The following FAF1 variants were observed in gnomAD, a reference collection of about 807,000 sequenced individuals.
FAF1 encodes FAS-associated factor 1.
Under a neutral mutation model 92.5 loss-of-function variants are expected in FAF1, and 25 were observed. The ratio of observed to expected loss-of-function variants is 0.27; its 90% confidence interval spans 0.20 to 0.38. The LOEUF (loss-of-function observed/expected upper bound fraction) is 0.38. Ranked by LOEUF, FAF1 falls within the 10% of genes least tolerant of loss-of-function variation. The pLI, the probability that FAF1 is intolerant of heterozygous loss-of-function variation, is 1.00. For synonymous variants in FAF1, 234 were observed against 273.2 expected (o/e 0.86, Z 1.42); for missense variants, 636 against 793.3 (o/e 0.80, Z 2.38).
At chr1:50,924,685 T>A (rs1329911603) in intron 1 of FAF1, among the ~76,000 whole-genome samples, 1 of 152,142 alleles carries the variant, frequency 6.6e-6, no homozygotes, top group Non-Finnish European at 1.5e-5. Flanking sequence ...AGTATTGGTA[T>A]AATAAAAGAT....
chr1:50,718,007 ATTTAT>A (rs1379363226), intron 6 of FAF1, among the ~76,000 whole-genome samples: 1 of 149,488 alleles, frequency 6.7e-6, no homozygotes, highest in East Asian at 2.0e-4. Flanking sequence ...TTATTTATTT[ATTTAT>A]TTATTTATTT....
intron 17 of FAF1, 65 bp from the exon 18 acceptor site, chr1:50,475,744 A>G: frequency 9.2e-7 from 1 of 1,086,242 alleles, no homozygotes; most frequent in Non-Finnish European, 1.3e-6. Context: ...GTGGGGAGGA[A>G]GACACCAGAA....
intron 15 of FAF1, among the ~76,000 whole-genome samples, chr1:50,505,360 C>A (rs955366085): frequency 6.6e-6 from 1 of 152,118 alleles, no homozygotes; most frequent in Non-Finnish European, 1.5e-5. Context: ...CAGCCAAACA[C>A]CTATTCCTCT....
In FAF1 at chr1:50,656,436, T is replaced by C. The variant is rs1254886389; in HGVS notation, c.658-908A>G. On this transcript the variant is annotated intron_variant, in intron 7 of 18. Coordinates refer to ENST00000396153, the MANE Select transcript of FAF1 (RefSeq NM_007051.3). ...GTAATATTTACTAATATCAGAGCTA[T>C]AGGCCCTTCCTGAAAATTAAATACA... Among the ~76,000 whole-genome samples the C allele has an allele frequency of 2.0e-5, 3 of 152,012 alleles. No homozygotes were observed. In the East Asian group the frequency reaches 5.8e-4, roughly 29 times the overall value.
In FAF1 at chr1:50,730,096, G is replaced by A. The variant is rs117943048; in HGVS notation, c.551+8767C>T. Among the ~76,000 whole-genome samples the A allele has an allele frequency of 6.5e-4, 99 of 152,154 alleles. 1 individual carries two copies. In the East Asian group the frequency reaches 0.018, roughly 27 times the overall value. On this transcript the variant is annotated intron_variant, in intron 6 of 18. Coordinates refer to ENST00000396153, the MANE Select transcript of FAF1 (RefSeq NM_007051.3). The stretch of plus-strand genomic sequence containing the variant: ...AATCCTCTGGAGGGTGAAGGGGGTT[G>A]GAGCAGCATGCGGAATTTTTGACAA...
intron 7 of FAF1, among the ~76,000 whole-genome samples, chr1:50,655,964 G>A (rs1271576141): frequency 2.6e-5 from 4 of 152,118 alleles, no homozygotes; most frequent in South Asian, 4.1e-4. Flanking sequence ...AGGGCAAGGG[G>A]GGCAGGGGAG....
intron 1 of FAF1, among the ~76,000 whole-genome samples, chr1:50,899,506 C>T (rs1644780449): frequency 6.6e-6 from 1 of 152,138 alleles, no homozygotes; most frequent in Admixed American, 6.6e-5. Context: ...CTCACTCTGT[C>T]ACCCAAGCTG....
chr1:50,825,728 T>C (rs934343455), intron 2 of FAF1, among the ~76,000 whole-genome samples: 2 of 152,144 alleles, frequency 1.3e-5, no homozygotes, highest in African/African-American at 4.8e-5. Context: ...ATTCTTTTCA[T>C]GTGTACAAAA....
intron 4 of FAF1, chr1:50,780,468 T>A (rs1661131903): frequency 5.7e-6 from 1 of 175,338 alleles, no homozygotes; most frequent in African/African-American, 2.4e-5. Context: ...ACCGATCCCA[T>A]GGAGCACACA....
chr1:50,612,261 T>C, intron 8 of FAF1: 1 of 684,420 alleles, frequency 1.5e-6, no homozygotes, highest in Non-Finnish European at 2.1e-6. Context: ...CCCTTTGCCT[T>C]ATTCTACAAT....
At chr1:50,920,377 A>G (rs1374189922) in intron 1 of FAF1, among the ~76,000 whole-genome samples, 1 of 152,010 alleles carries the variant, frequency 6.6e-6, no homozygotes, top group Non-Finnish European at 1.5e-5. Context: ...TACTGCTCCC[A>G]AAAAGTGTAG....
intron 1 of FAF1, among the ~76,000 whole-genome samples, chr1:50,863,397 C>T (rs979660362): frequency 6.6e-6 from 1 of 151,792 alleles, no homozygotes; most frequent in South Asian, 2.1e-4. Context: ...CCATTAAATG[C>T]CTAGATCAAA....
intron 2 of FAF1, among the ~76,000 whole-genome samples, chr1:50,812,225 G>A (rs1643922721): frequency 6.6e-6 from 1 of 152,130 alleles, no homozygotes; most frequent in Admixed American, 6.6e-5. Context: ...AAACTAGAGA[G>A]CTTCTGCACA....
At chr1:50,684,779 C>T (rs1656579592) in intron 7 of FAF1, among the ~76,000 whole-genome samples, 1 of 152,090 alleles carries the variant, frequency 6.6e-6, no homozygotes, top group South Asian at 2.1e-4. Context: ...ATAGATAGAA[C>T]GTGATATAGA....
intron 1 of FAF1, among the ~76,000 whole-genome samples, chr1:50,919,263 A>G (rs1644943932): frequency 6.6e-6 from 1 of 152,120 alleles, no homozygotes; most frequent in African/African-American, 2.4e-5. Flanking sequence ...TGCATATAAA[A>G]AACAGTAACG....
At chr1:50,861,652 T>C (rs1359358934) in intron 1 of FAF1, among the ~76,000 whole-genome samples, 7 of 151,756 alleles carry the variant, frequency 4.6e-5, no homozygotes, top group Non-Finnish European at 8.8e-5. Flanking sequence ...TTTACCACTA[T>C]ACAATATATC....
At chr1:50,741,645 C>A (rs1207415701) in intron 5 of FAF1, among the ~76,000 whole-genome samples, 1 of 152,164 alleles carries the variant, frequency 6.6e-6, no homozygotes, top group Non-Finnish European at 1.5e-5. Context: ...GCAGTTGCAA[C>A]TGAAATACTA....
At chr1:50,694,011 A>ATGACATAAATGACATATACG (rs1557479157) in intron 7 of FAF1, among the ~76,000 whole-genome samples, 3 of 149,060 alleles carry the variant, frequency 2.0e-5, no homozygotes, top group African/African-American at 7.6e-5. Flanking sequence ...ATATATATAC[A>ATGACATAAATGACATATACG]TGACATATAT....
intron 4 of FAF1, among the ~76,000 whole-genome samples, chr1:50,785,444 A>T (rs1187929418): frequency 1.3e-5 from 2 of 152,124 alleles, no homozygotes; most frequent in Non-Finnish European, 2.9e-5. Context: ...AATATCAAAT[A>T]ACCCATTTAA....
Sources: gnomAD v4.1 joint callset for allele counts (sites outside exome capture counted in the v4.1 genomes callset) on GRCh38, gnomAD v4.1.1 for gene constraint, MANE v1.5 for transcripts, NCBI Gene and HGNC (gene_info 2026-07-23, HGNC 2026-07-21) for gene names.